DGKI: variants seen among roughly 807,000 people sequenced by gnomAD.
DGKI encodes diacylglycerol kinase iota.
Under a neutral mutation model 147.5 loss-of-function variants are expected in DGKI, and 55 were observed. The ratio of observed to expected loss-of-function variants is 0.37; its 90% CI spans 0.30 to 0.47. DGKI has a LOEUF of 0.47. Ranked by LOEUF, DGKI falls within the 20% of genes least tolerant of loss-of-function variation. The probability of loss-of-function intolerance (pLI) is 1.00; values close to 1 mark genes in which losing one functional copy is unlikely to be tolerated. For synonymous variants in DGKI, 469 were observed against 477.1 expected, an observed-to-expected ratio of 0.98 and a Z score of 0.22; for missense variants, 1,007 against 1,323.8, an observed-to-expected ratio of 0.76 and a Z score of 3.71.
intron 19 of DGKI, among the ~76,000 whole-genome samples, chr7:137,558,452 A>AT (rs1467863266): frequency 1.3e-5 from 2 of 152,174 alleles, no homozygotes; most frequent in African/African-American, 4.8e-5. Context: ...TTCGTTTTGT[A>AT]TTTTTAGTAG....
At chr7:137,465,370 G>GA (rs1246752448) in intron 26 of DGKI, among the ~76,000 whole-genome samples, 1 of 152,168 alleles carries the variant, frequency 6.6e-6, no homozygotes, top group African/African-American at 2.4e-5. Context: ...ACAATTCTCT[G>GA]AGTGAGGATT....
At chr7:137,404,824 G>A (rs139623464) in intron 30 of DGKI, among the ~76,000 whole-genome samples, 338 of 29,842 alleles carry the variant, frequency 0.011, 1 homozygote, top group African/African-American at 0.044. Context: ...GAGTGGTATT[G>A]TGTGACTCAG....
intron 20 of DGKI, among the ~76,000 whole-genome samples, chr7:137,522,301 G>T (rs749476298): frequency 6.6e-6 from 1 of 152,066 alleles, no homozygotes; most frequent in Non-Finnish European, 1.5e-5. Flanking sequence ...ATCTGAAATA[G>T]TGGGAGGTGG....
chr7:137,678,832 G>T (rs112730584), intron 2 of DGKI, among the ~76,000 whole-genome samples, 180 bp from the exon 3 acceptor site: 11 of 152,316 alleles, frequency 7.2e-5, no homozygotes, highest in African/African-American at 2.4e-4. Flanking sequence ...AGGGAGAAAG[G>T]TGTTTGGAAA....
chr7:137,828,350 C>T (rs567415530), intron 1 of DGKI, among the ~76,000 whole-genome samples: 2 of 152,190 alleles, frequency 1.3e-5, no homozygotes, highest in Non-Finnish European at 2.9e-5. Flanking sequence ...TCTATTCTTA[C>T]AACTTAGGTA....
intron 1 of DGKI, among the ~76,000 whole-genome samples, chr7:137,735,493 C>G (rs903717856): frequency 7.2e-5 from 11 of 152,198 alleles, no homozygotes; most frequent in Non-Finnish European, 1.2e-4. Flanking sequence ...GGTGTACAAG[C>G]ATTTACCACA....
chr7:137,418,924 G>A (rs1264617432), intron 28 of DGKI, among the ~76,000 whole-genome samples: 2 of 152,160 alleles, frequency 1.3e-5, no homozygotes, highest in Non-Finnish European at 2.9e-5. Flanking sequence ...TTCTTGAGGA[G>A]TAATAATACT....
intron 27 of DGKI, among the ~76,000 whole-genome samples, chr7:137,451,016 T>G (rs929951175): frequency 6.6e-6 from 1 of 152,126 alleles, no homozygotes; most frequent in African/African-American, 2.4e-5. Context: ...GTAATTTAAC[T>G]GGTAAAAATT....
intron 1 of DGKI, among the ~76,000 whole-genome samples, chr7:137,713,266 C>A (rs1479827157): frequency 4.6e-5 from 7 of 152,164 alleles, no homozygotes; most frequent in Non-Finnish European, 7.3e-5. Context: ...TACCTGGCTC[C>A]AGCTTGGAAT....
chr7:137,796,749 T>C (rs1797045007), intron 1 of DGKI, among the ~76,000 whole-genome samples: 1 of 151,878 alleles, frequency 6.6e-6, no homozygotes, highest in South Asian at 2.1e-4. Flanking sequence ...AATAAGGCAA[T>C]TGAGATCATC....
rs906251044 is a variant in DGKI at position 137,426,379 on chromosome 7, TAAA to T, written c.2762-14175_2762-14173del. Among the ~76,000 whole-genome samples the T allele has an allele frequency of 2.0e-3, 299 of 152,214 alleles. 1 individual carries two copies. The highest frequency in any genetic ancestry group is 6.8e-3 in the African/African-American group (283 of 41,518). On this transcript the variant is annotated intron_variant, in intron 28 of 32. Transcript: ENST00000614521. ...GATTTTGTCACCAGCAGGCCTGCCC[TAAA>T]AGAGCTCCTGAAGGAAGCACTAAAC...
intron 28 of DGKI, among the ~76,000 whole-genome samples, chr7:137,433,097 G>C (rs913527083): frequency 2.0e-5 from 3 of 152,158 alleles, no homozygotes; most frequent in Non-Finnish European, 2.9e-5. Flanking sequence ...GGCAAAACAA[G>C]GAAGCATTTA....
chr7:137,814,535 T>C (rs905988550), intron 1 of DGKI, among the ~76,000 whole-genome samples: 1 of 152,102 alleles, frequency 6.6e-6, no homozygotes, highest in Non-Finnish European at 1.5e-5. Context: ...CCACTCCCCA[T>C]AGCATTCTCA....
intron 1 of DGKI, among the ~76,000 whole-genome samples, chr7:137,775,913 C>A (rs558994870): frequency 6.6e-6 from 1 of 151,962 alleles, no homozygotes; most frequent in African/African-American, 2.4e-5. Context: ...GGCTGGAGTG[C>A]AATGGTGTGA....
In DGKI at chr7:137,382,330, C is replaced by T. The variant is rs1470025101; in HGVS notation, c.*8890G>A. 1 of 151,774 alleles carries T rather than the reference C, an allele frequency of 6.6e-6. No individual in the cohort carries two copies. Among genetic ancestry groups the T allele is most frequent in the Admixed American group, 6.6e-5 (1 of 15,200 alleles). The allele number at this position is 151,774 out of a possible 1,614,324, so 9.4% of individuals were successfully genotyped here. ...TATATTGAGATTTGTGGGAAAAAACCCTAAATATTCCTTATTTTTTTCAAA... is the reference window on the plus strand; with the variant it reads ...TATATTGAGATTTGTGGGAAAAAACTCTAAATATTCCTTATTTTTTTCAAA... On this transcript the variant is annotated 3_prime_UTR_variant, in exon 33 of 33. Transcript: ENST00000614521.
In DGKI at chr7:137,385,592, A is replaced by T. The variant is rs2128890214; in HGVS notation, c.*5628T>A. On this transcript the variant is annotated 3_prime_UTR_variant, in exon 33 of 33. Coordinates refer to ENST00000614521, the MANE Select transcript of DGKI (RefSeq NM_001321708.2). ...TATATTTAGTCAAAACCCACTGAAA[A>T]CTCTGCTTATTTTTCCTAGTTCTAT... The T allele has an allele frequency of 6.6e-6, 1 of 152,010 alleles. No homozygotes were observed. Among genetic ancestry groups the T allele is most frequent in the African/African-American group, 2.4e-5 (1 of 41,472 alleles). The allele number at this position is 152,010 out of a possible 1,614,324, so 9.4% of individuals were successfully genotyped here. A position where few individuals can be genotyped will look rare whatever the true frequency, so the allele number is the denominator to read the frequency against.
chr7:137,668,260 T>C (rs754464492), intron 3 of DGKI, among the ~76,000 whole-genome samples: 2 of 152,194 alleles, frequency 1.3e-5, no homozygotes, highest in African/African-American at 4.8e-5. Flanking sequence ...TGTGCCAAGA[T>C]GGCAAAAAGC....
chr7:137,482,431 C>T (rs547910202), intron 23 of DGKI, among the ~76,000 whole-genome samples: 3 of 151,948 alleles, frequency 2.0e-5, no homozygotes, highest in East Asian at 1.9e-4. Context: ...TGATCTCCTC[C>T]GGCCTTGTAG....
chr7:137,729,946 T>C (rs1794824805), intron 1 of DGKI, among the ~76,000 whole-genome samples: 1 of 152,164 alleles, frequency 6.6e-6, no homozygotes, highest in Non-Finnish European at 1.5e-5. Context: ...ACCAACACTG[T>C]GTTGACAGAC....
Sources: allele counts gnomAD v4.1 joint callset (sites outside exome capture counted in the v4.1 genomes callset), GRCh38; gene constraint gnomAD v4.1.1; transcripts MANE v1.5; gene names NCBI Gene and HGNC (gene_info 2026-07-23, HGNC 2026-07-21).